The following CYP3A7 variants were observed in gnomAD, a reference collection of about 807,000 sequenced individuals.
The protein encoded by CYP3A7 is cytochrome P450 3A7.
A neutral mutation model predicts 55.2 loss-of-function variants in CYP3A7; 45 were observed. The ratio of observed to expected loss-of-function variants is 0.82; its 90% CI spans 0.64 to 1.05. The LOEUF (loss-of-function observed/expected upper bound fraction) is 1.05. Among genes scored for constraint, CYP3A7 ranks in the 50% least tolerant of loss-of-function variants. The pLI is 0.00. For missense variants in CYP3A7, 548 were observed against 605.3 expected, an observed-to-expected ratio of 0.91 and a Z score of 0.99; for synonymous variants, 180 against 207.4, an observed-to-expected ratio of 0.87 and a Z score of 1.13.
At chr7:99,721,801 A>G (rs1814209680) in intron 3 of CYP3A7, among the ~76,000 whole-genome samples, 1 of 152,174 alleles carries the variant, frequency 6.6e-6, no homozygotes, top group South Asian at 2.1e-4. Flanking sequence ...AAACCTTGAC[A>G]AATAAATCAA....
At chr7:99,728,747 C>T (rs1039487253) in intron 2 of CYP3A7, among the ~76,000 whole-genome samples, 6 of 152,140 alleles carry the variant, frequency 3.9e-5, no homozygotes, top group South Asian at 2.1e-4. Context: ...TCCTCTAATC[C>T]CTCTACTTGT....
At chr7:99,732,069 A>T (rs1321123779) in intron 1 of CYP3A7, among the ~76,000 whole-genome samples, 1 of 152,106 alleles carries the variant, frequency 6.6e-6, no homozygotes, top group Non-Finnish European at 1.5e-5. Flanking sequence ...GTAATCCCCA[A>T]TTCTGGAAGT....
At chr7:99,729,578 A>C (rs1253871135) in intron 2 of CYP3A7, among the ~76,000 whole-genome samples, 5 of 152,184 alleles carry the variant, frequency 3.3e-5, no homozygotes, top group African/African-American at 1.2e-4. Context: ...CTGCAAAAGA[A>C]ATGAAACAGC....
intron 4 of CYP3A7, among the ~76,000 whole-genome samples, chr7:99,719,569 T>C (rs2151517708): frequency 6.6e-6 from 1 of 151,176 alleles, no homozygotes; most frequent in South Asian, 2.1e-4. Flanking sequence ...CAAAGAACTT[T>C]CAGACTTGAC....
chr7:99,721,919 C>T (rs1156888897), intron 3 of CYP3A7, among the ~76,000 whole-genome samples: 1 of 152,204 alleles, frequency 6.6e-6, no homozygotes, highest in Non-Finnish European at 1.5e-5. Flanking sequence ...CAACCTTACA[C>T]AAAAATATTT....
rs1438239569 is a variant in CYP3A7, at chr7:99,735,189, A to G, written c.-96T>C. 28 of 1,504,872 alleles carry G rather than the reference A, an allele frequency of 1.9e-5. No individual in the cohort carries two copies. The highest frequency in any genetic ancestry group is 2.5e-5 in the Non-Finnish European group (27 of 1,090,608). The allele number at this position is 1,504,872 out of a possible 1,614,324, so 93.2% of individuals were successfully genotyped here. A position where few individuals can be genotyped will look rare whatever the true frequency, so the allele number is the denominator to read the frequency against. On this transcript the variant is annotated 5_prime_UTR_variant, in exon 1 of 13. Coordinates refer to ENST00000336374, the MANE Select transcript of CYP3A7 (RefSeq NM_000765.5). ...TGTGTGTGGAGCTTTCCTGCCCTGC[A>G]CAGCAGTGATTCAGTGAGGCTGTTG...
intron 2 of CYP3A7, among the ~76,000 whole-genome samples, chr7:99,726,034 G>A (rs547106702): frequency 6.6e-6 from 1 of 152,240 alleles, no homozygotes; most frequent in African/African-American, 2.4e-5. Context: ...ATTAGGCTGA[G>A]ATATTTTAAC....
intron 4 of CYP3A7, among the ~76,000 whole-genome samples, 191 bp downstream of exon 4, chr7:99,720,122 C>T (rs1814136359): frequency 6.6e-6 from 1 of 152,106 alleles, no homozygotes; most frequent in Non-Finnish European, 1.5e-5. Flanking sequence ...TCCTGTACTG[C>T]AGTAATGTGA....
At position 99,717,176 on chromosome 7, in the gene CYP3A7, C is replaced by T. The variant is rs1358976355; in HGVS notation, c.521+1G>A. ...AACCCCATGGCTGTGCTCCTACTTA[C>T]TGTTTCAAGGTGACAGGCTTGCCTG... On this transcript the variant is annotated splice_donor_variant, in intron 6 of 12. Coordinates refer to ENST00000336374, the MANE Select transcript of CYP3A7 (RefSeq NM_000765.5). LOFTEE classifies it high-confidence loss of function. 3 of 1,613,730 alleles carry T rather than the reference C, an allele frequency of 1.9e-6. No individual in the cohort carries two copies. Among genetic ancestry groups the T allele is most frequent in the African/African-American group, 1.3e-5 (1 of 74,900 alleles).
intron 1 of CYP3A7, among the ~76,000 whole-genome samples, chr7:99,732,496 A>G (rs1814666740): frequency 6.6e-6 from 1 of 152,136 alleles, no homozygotes; most frequent in South Asian, 2.1e-4. Flanking sequence ...CTGCACATCA[A>G]CTGTCTCTGT....
intron 2 of CYP3A7, among the ~76,000 whole-genome samples, chr7:99,725,604 GC>G (rs1178995003): frequency 2.0e-5 from 3 of 152,206 alleles, no homozygotes; most frequent in African/African-American, 4.8e-5. Context: ...CCTAAGCCGT[GC>G]CCTGTCTGTG....
At chr7:99,720,618 A>T in intron 3 of CYP3A7, 1 of 527,854 alleles carries the variant, frequency 1.9e-6, no homozygotes, top group East Asian at 3.3e-5. Flanking sequence ...ATGAAGGGTA[A>T]TGTGGGCCAA....
At chr7:99,722,808 A>C (rs1814254722) in intron 2 of CYP3A7, among the ~76,000 whole-genome samples, 2 of 152,194 alleles carry the variant, frequency 1.3e-5, no homozygotes, top group Non-Finnish European at 2.9e-5. Flanking sequence ...GAATTCTAGC[A>C]GAATTAGAAA....
rs1276376178 is a variant in CYP3A7 at position 99,735,008 on chromosome 7, T to C, written c.71+15A>G. ...TCCAAGGAAACAGAGAAGAGGAGCC[T>C]GAACAGTTACTCACAGATAGAGGAG... On this transcript the variant is annotated intron_variant, in intron 1 of 12. Coordinates refer to ENST00000336374, the MANE Select transcript of CYP3A7 (RefSeq NM_000765.5). 2.5e-6 allele frequency: 4 copies of C among 1,613,992 alleles called. No individual in the cohort carries two copies. The South Asian group carries it at 4.4e-5, about 18-fold the overall frequency.
chr7:99,722,426 G>C lies in CYP3A7; in HGVS notation c.166-78C>G, dbSNP rs1033383307. 17 of 1,549,102 alleles carry C rather than the reference G, an allele frequency of 1.1e-5. No homozygotes were observed. The African/African-American group carries it at 1.9e-4, about 18-fold the overall frequency. On this transcript the variant is annotated intron_variant, in intron 2 of 12. Transcript: ENST00000336374. ...CTGCCTCTAATTGGGGTTGAAAACAGTCAAATCCAATGAAATTAGACTTGC... is the reference window on the plus strand; with the variant it reads ...CTGCCTCTAATTGGGGTTGAAAACACTCAAATCCAATGAAATTAGACTTGC...
Position 99,720,339 on chromosome 7 carries a change from A to G in CYP3A7, c.292T>C (p.Cys98Arg), listed in dbSNP as rs144044787. 1 of 1,613,522 alleles carries G rather than the reference A, an allele frequency of 6.2e-7. No homozygotes were observed. Among genetic ancestry groups the G allele is most frequent in the Non-Finnish European group, 8.5e-7 (1 of 1,179,732 alleles). The change falls in exon 4 of 13, where the codon TGT becomes CGT. Residue 98 changes from cysteine (C) to arginine (R), a missense_variant. Cys to Arg is a radical substitution (Grantham distance 180). Transcript: ENST00000336374. ...DMIKTVLVKE[C>R]YSVFTNRRPF... Reference sequence around the variant, plus strand: ...CTCCGGTTTGTGAAGACAGAATAACATTCTTTCACTAGCACTGTTTTGATC... The same window carrying G: ...CTCCGGTTTGTGAAGACAGAATAACGTTCTTTCACTAGCACTGTTTTGATC...
intron 1 of CYP3A7, 64 bp downstream of exon 1, chr7:99,734,959 G>C: frequency 6.2e-7 from 1 of 1,610,068 alleles, no homozygotes. Flanking sequence ...ATAAGGGAAA[G>C]AGAGGCCTGA....
chr7:99,716,768 A>G (rs1224661930), intron 6 of CYP3A7, among the ~76,000 whole-genome samples: 1 of 152,154 alleles, frequency 6.6e-6, no homozygotes, highest in East Asian at 1.9e-4. Context: ...GAAATGATCA[A>G]AGTTATTCTA....
chr7:99,732,407 T>C (rs1312163520), intron 1 of CYP3A7, among the ~76,000 whole-genome samples: 1 of 152,118 alleles, frequency 6.6e-6, no homozygotes, highest in Non-Finnish European at 1.5e-5. Flanking sequence ...TTTATAGCAA[T>C]GGAAGAAAAG....
Sources: allele counts gnomAD v4.1 joint callset (sites outside exome capture counted in the v4.1 genomes callset), GRCh38; gene constraint gnomAD v4.1.1; transcripts MANE v1.5; gene names NCBI Gene and HGNC (gene_info 2026-07-23, HGNC 2026-07-21).